The following ARFGEF1 variants were observed in gnomAD, a reference collection of about 807,000 sequenced individuals.
ARFGEF1 encodes the protein ARF guanine nucleotide exchange factor 1.
Under a neutral mutation model 231.0 loss-of-function variants are expected in ARFGEF1, and 42 were observed. The ratio of observed to expected loss-of-function variants is 0.18; its 90% confidence interval spans 0.14 to 0.24. The LOEUF (loss-of-function observed/expected upper bound fraction) is 0.24, where lower values mean the gene tolerates loss of function less well. Ranked by LOEUF, ARFGEF1 falls within the 10% of genes least tolerant of loss-of-function variation. The probability of loss-of-function intolerance (pLI) is 1.00; values close to 1 mark genes in which losing one functional copy is unlikely to be tolerated. For synonymous variants in ARFGEF1, 710 were observed against 732.3 expected (o/e 0.97, Z 0.49); for missense variants, 1,345 against 2,192.0 (o/e 0.61, Z 7.72).
At position 67,319,502 on chromosome 8, in the gene ARFGEF1, CAA is replaced by C. The variant is rs34386557; in HGVS notation, c.125-17038_125-17037del. On this transcript the variant is annotated intron_variant, in intron 1 of 38. Coordinates refer to ENST00000262215, the MANE Select transcript of ARFGEF1 (RefSeq NM_006421.5). ...AGTGTTGGAATTAGACACCCATTTG[CAA>C]AAAAAAAAAAAAAACTCTTGACCTA... is the stretch of plus-strand genomic sequence containing the variant. 1.7e-3 allele frequency among the ~76,000 whole-genome samples: 181 copies of C among 103,634 alleles called. 1 individual carries two copies. The East Asian group carries it at 0.032, about 18-fold the overall frequency. The allele number at this position is 103,634 out of a possible 152,430, so 68.0% of individuals were successfully genotyped here. A position where few individuals can be genotyped will look rare whatever the true frequency, so the allele number is the denominator to read the frequency against.
chr8:67,218,204 AAAAATATATAT>A lies in ARFGEF1; in HGVS notation c.4339-77_4339-67del, dbSNP rs1390704095. 72 of 192,290 alleles carry A rather than the reference AAAAATATATAT, an allele frequency of 3.7e-4. 2 individuals are homozygous for A. The highest frequency in any genetic ancestry group is 1.9e-3 in the African/African-American group (45 of 24,166). 11.9% of individuals were successfully genotyped at this position (192,290 alleles called of 1,614,324 possible). A position where few individuals can be genotyped will look rare whatever the true frequency, so the allele number is the denominator to read the frequency against. On this transcript the variant is annotated intron_variant, in intron 30 of 38. Coordinates refer to ENST00000262215, the MANE Select transcript of ARFGEF1 (RefSeq NM_006421.5). ...AACTACTATGATTAAAAAAAAAAAA[AAAAATATATAT>A]ATATATATATATATATATAAATGTT...
rs936674607 is a variant in ARFGEF1, at chr8:67,327,563, A to G, written c.124+15601T>C. Among the ~76,000 whole-genome samples the G allele has an allele frequency of 2.6e-5, 4 of 151,950 alleles. No homozygotes were observed. In the East Asian group the frequency reaches 5.8e-4, roughly 22 times the overall value. On this transcript the variant is annotated intron_variant, in intron 1 of 38. Transcript: ENST00000262215. Reference sequence around the variant, plus strand: ...TCAAACTCCTGACTTCAGGTGATCCACCCACTTCAGCCTCCCAAAGTGCTG... The same window carrying G: ...TCAAACTCCTGACTTCAGGTGATCCGCCCACTTCAGCCTCCCAAAGTGCTG...
chr8:67,197,001 C>T (rs915366510), downstream of ARFGEF1, among the ~76,000 whole-genome samples: 3 of 151,940 alleles, frequency 2.0e-5, no homozygotes, highest in East Asian at 1.9e-4. Flanking sequence ...GATATTGACA[C>T]GTTCCCTTTT....
chr8:67,173,741 T>C (rs866160430), downstream of ARFGEF1: 32 of 152,312 alleles, frequency 2.1e-4, no homozygotes, highest in African/African-American at 7.2e-4. Flanking sequence ...CAATTACGTA[T>C]ACTGTTATTT....
In ARFGEF1 at chr8:67,294,494, C is replaced by G. The variant is rs1224461550; in HGVS notation, c.639+1937G>C. Among the ~76,000 whole-genome samples the G allele has an allele frequency of 3.9e-5, 6 of 152,202 alleles. No homozygotes were observed. The South Asian group carries it at 1.0e-3, about 26-fold the overall frequency. On this transcript the variant is annotated intron_variant, in intron 5 of 38. Coordinates refer to ENST00000262215, the MANE Select transcript of ARFGEF1 (RefSeq NM_006421.5). ...AAAACCTGAATATAAATGCTATAATCTACTTAGTAAATTTGTTTCTCACAC... is the reference window on the plus strand; with the variant it reads ...AAAACCTGAATATAAATGCTATAATGTACTTAGTAAATTTGTTTCTCACAC...
downstream of ARFGEF1, chr8:67,175,053 G>T (rs960165656): frequency 9.4e-6 from 4 of 427,408 alleles, no homozygotes; most frequent in African/African-American, 8.0e-5. Context: ...AACATCCACT[G>T]CTTGTTCTGG....
intron 5 of ARFGEF1, 72 bp from the exon 6 acceptor site, chr8:67,292,195 A>C: frequency 7.5e-7 from 1 of 1,336,208 alleles, no homozygotes; most frequent in Non-Finnish European, 1.0e-6. Flanking sequence ...TGTTACCTCC[A>C]ACAATCCTTT....
intron 34 of ARFGEF1, among the ~76,000 whole-genome samples, chr8:67,205,215 A>C (rs907968320): frequency 6.6e-6 from 1 of 152,176 alleles, no homozygotes; most frequent in African/African-American, 2.4e-5. Flanking sequence ...CATTGGAGCC[A>C]CTGCCCCAAG....
Position 67,258,098 on chromosome 8 carries a change from C to T in ARFGEF1, c.2428G>A (p.Glu810Lys). The T allele has an allele frequency of 6.2e-7, 1 of 1,612,986 alleles. No homozygotes were observed. Among genetic ancestry groups the T allele is most frequent in the Non-Finnish European group, 8.5e-7 (1 of 1,179,036 alleles). Reference sequence around the variant, plus strand: ...AACCTTATTTACCCTTGGTTGCATTCTAGGTATCTTGCAGCAAATTTTTCC... The same window carrying T: ...AACCTTATTTACCCTTGGTTGCATTTTAGGTATCTTGCAGCAAATTTTTCC... ...LMEKFAARYL[E>K]CNQGQTLFAS... The change falls in exon 16 of 39, where the codon GAA (glutamate) becomes AAA (lysine). Residue 810 changes from glutamate (E) to lysine (K), a missense_variant. Physicochemically the swap from Glu to Lys is moderately conservative, Grantham distance 56. This residue lies in a region of ARFGEF1 where 58 missense variants were observed against 133.6 expected (regional missense o/e 0.43). Coordinates refer to ENST00000262215, the MANE Select transcript of ARFGEF1 (RefSeq NM_006421.5).
At chr8:67,212,144 G>A (rs968419718) in intron 33 of ARFGEF1, among the ~76,000 whole-genome samples, 24 of 152,140 alleles carry the variant, frequency 1.6e-4, no homozygotes, top group African/African-American at 1.2e-4. Flanking sequence ...GTGCAATGGC[G>A]CGATCTCGGC....
rs191677251 is a variant in ARFGEF1 at position 67,269,381 on chromosome 8, T to C, written c.1573-1939A>G. 4.1e-3 allele frequency among the ~76,000 whole-genome samples: 615 copies of C among 150,306 alleles called. 2 individuals are homozygous for C. Among genetic ancestry groups the C allele is most frequent in the Middle Eastern group, 0.01 (3 of 292 alleles). On this transcript the variant is annotated intron_variant, in intron 10 of 38. Coordinates refer to ENST00000262215, the MANE Select transcript of ARFGEF1 (RefSeq NM_006421.5). ...TTTTTTTTTTTTTTGAGATGGAGTT[T>C]CGCTCTTGTTGACCAGGCTGGAGTG...
chr8:67,326,739 T>A (rs1268523439), intron 1 of ARFGEF1, among the ~76,000 whole-genome samples: 2 of 152,344 alleles, frequency 1.3e-5, no homozygotes, highest in Non-Finnish European at 2.9e-5. Context: ...ATCAACCTTA[T>A]AATGACATGA....
intron 6 of ARFGEF1, among the ~76,000 whole-genome samples, chr8:67,291,207 A>G (rs935371125): frequency 3.9e-5 from 6 of 152,152 alleles, no homozygotes; most frequent in African/African-American, 1.4e-4. Context: ...ACATTTAGGA[A>G]AAAAATAACT....
chr8:67,211,576 T>C lies in ARFGEF1; in HGVS notation c.4726A>G (p.Ile1576Val). ...SQKSVDIHDSIQPRSVDNRPQ... is the reference protein window; with the variant it reads ...SQKSVDIHDSVQPRSVDNRPQ... ...CTGTTATCCACAGACCTTGGTTGAA[T>C]AGAATCATGAATATCTACAGACTTC... The change falls in exon 34 of 39, where the codon ATT becomes GTT. Residue 1576 changes from isoleucine to valine, a missense_variant. By Grantham distance (29) the Ile-to-Val change is conservative (BLOSUM62 3). This residue lies in a region of ARFGEF1 where 89 missense variants were observed against 74.8 expected (regional missense o/e 1.19). Coordinates refer to ENST00000262215, the MANE Select transcript of ARFGEF1 (RefSeq NM_006421.5). 1.3e-6 allele frequency: 2 copies of C among 1,558,538 alleles called. No individual in the cohort carries two copies. Among genetic ancestry groups the C allele is most frequent in the Non-Finnish European group, 1.7e-6 (2 of 1,148,610 alleles).
intron 14 of ARFGEF1, among the ~76,000 whole-genome samples, chr8:67,261,609 T>C (rs1377967088): frequency 1.3e-5 from 2 of 152,190 alleles, no homozygotes; most frequent in Non-Finnish European, 2.9e-5. Context: ...AGATGTGCGA[T>C]GAGATTAGTG....
chr8:67,184,887 C>T (rs113671389), intron 5 of ARFGEF1, among the ~76,000 whole-genome samples: 84 of 137,784 alleles, frequency 6.1e-4, no homozygotes, highest in African/African-American at 2.0e-3. Flanking sequence ...ATCACAAGGT[C>T]AGGAGATTGA....
At chr8:67,236,360 AAAAAAATATATAT>A (rs1839747744) in intron 22 of ARFGEF1, among the ~76,000 whole-genome samples, 5 of 43,282 alleles carry the variant, frequency 1.2e-4, no homozygotes, top group African/African-American at 5.5e-4. Flanking sequence ...AAAAAAAAAA[AAAAAAATATATAT>A]ATATATATAT....
intron 19 of ARFGEF1, among the ~76,000 whole-genome samples, chr8:67,241,740 T>A (rs189630495): frequency 7.2e-5 from 11 of 152,180 alleles, no homozygotes; most frequent in African/African-American, 2.2e-4. Flanking sequence ...AACACCTTCA[T>A]AAGAACCGAG....
chr8:67,340,451 C>T (rs1009838022), intron 1 of ARFGEF1, among the ~76,000 whole-genome samples: 3 of 152,202 alleles, frequency 2.0e-5, no homozygotes, highest in Non-Finnish European at 4.4e-5. Context: ...CAGACCAGAG[C>T]GGGCCTGGCC....
Sources: gnomAD v4.1 joint callset for allele counts (sites outside exome capture counted in the v4.1 genomes callset) on GRCh38, gnomAD v4.1.1 for gene constraint, gnomAD v4.1.1 regional missense constraint, MANE v1.5 for transcripts, NCBI Gene and HGNC (gene_info 2026-07-23, HGNC 2026-07-21) for gene names.